The following SH3RF3 variants were observed in gnomAD, a reference collection of about 807,000 sequenced individuals.
SH3RF3 encodes the protein SH3 domain containing ring finger 3.
SH3RF3 carries 29 observed loss-of-function variants against 66.3 expected under a neutral mutation model. That is an observed-to-expected ratio of 0.44 (90% CI 0.33 to 0.60). The LOEUF is 0.60. Among genes scored for constraint, SH3RF3 ranks in the 20% least tolerant of loss-of-function variants. The pLI is 0.04. For missense variants in SH3RF3, 1,194 were observed against 1,190.9 expected (o/e 1.00, Z -0.04); for synonymous variants, 583 against 532.0 (o/e 1.10, Z -1.32).
At chr2:109,278,817 G>T (rs994834077) in intron 1 of SH3RF3, among the ~76,000 whole-genome samples, 1 of 152,178 alleles carries the variant, frequency 6.6e-6, no homozygotes. Flanking sequence ...GTATTGCATC[G>T]GCCAAGGCAA....
intron 1 of SH3RF3, among the ~76,000 whole-genome samples, chr2:109,251,056 C>CAGT (rs1230641239): frequency 6.6e-6 from 1 of 151,756 alleles, no homozygotes; most frequent in East Asian, 1.9e-4. Flanking sequence ...GGCTGGAGTG[C>CAGT]AGTGGCATGA....
At chr2:109,423,651 C>T (rs576171269) in intron 5 of SH3RF3, among the ~76,000 whole-genome samples, 8 of 152,290 alleles carry the variant, frequency 5.3e-5, no homozygotes, top group Admixed American at 2.0e-4. Context: ...GCGAAATCAC[C>T]GGGTACTGCC....
At chr2:109,318,272 C>T (rs1354566930) in intron 1 of SH3RF3, among the ~76,000 whole-genome samples, 4 of 152,016 alleles carry the variant, frequency 2.6e-5, no homozygotes, top group African/African-American at 9.7e-5. Context: ...CCCAGATGTT[C>T]GGGAGCATTT....
intron 8 of SH3RF3, 92 bp downstream of exon 8, chr2:109,449,581 G>A (rs530844263): frequency 6.8e-7 from 1 of 1,461,468 alleles, no homozygotes; most frequent in East Asian, 2.5e-5. Context: ...TTGTGCAATT[G>A]AAGCTAGAAT....
chr2:109,176,558 C>T lies in SH3RF3; in HGVS notation c.573+46445C>T, dbSNP rs1677920251. 5.9e-5 allele frequency among the ~76,000 whole-genome samples: 9 copies of T among 152,062 alleles called. 1 individual carries two copies. The South Asian group carries it at 1.9e-3, about 32-fold the overall frequency. The stretch of plus-strand genomic sequence containing the variant: ...ATCAGCCTTGGCAACATAATGAGAC[C>T]CTATCCCTACAAAAAATTAAAATAA... On this transcript the variant is annotated intron_variant, in intron 1 of 9. Coordinates refer to ENST00000309415, the MANE Select transcript of SH3RF3 (RefSeq NM_001099289.3).
At chr2:109,334,358 T>TA (rs372662372) in intron 1 of SH3RF3, among the ~76,000 whole-genome samples, 7,900 of 126,038 alleles carry the variant, frequency 0.063, 258 homozygotes, top group African/African-American at 0.098. Context: ...TTTTTTCCTT[T>TA]AAAAAAAAAA....
chr2:109,460,638 T>C (rs903404064), intron 8 of SH3RF3, among the ~76,000 whole-genome samples: 2 of 152,244 alleles, frequency 1.3e-5, no homozygotes, highest in African/African-American at 4.8e-5. Flanking sequence ...TTGGTGAGCA[T>C]TTAAATGGCA....
intron 1 of SH3RF3, among the ~76,000 whole-genome samples, chr2:109,288,556 G>A (rs887984965): frequency 2.0e-5 from 3 of 152,222 alleles, no homozygotes; most frequent in African/African-American, 7.2e-5. Flanking sequence ...TTGGTCTGGA[G>A]TCACCTCCAT....
At chr2:109,360,062 CCAA>C (rs1683024497) in intron 2 of SH3RF3, among the ~76,000 whole-genome samples, 1 of 102,576 alleles carries the variant, frequency 9.7e-6, no homozygotes. Context: ...TTTCCTTGCA[CCAA>C]AAAAAAAAAA....
At chr2:109,304,436 C>T (rs1681544982) in intron 1 of SH3RF3, among the ~76,000 whole-genome samples, 1 of 152,086 alleles carries the variant, frequency 6.6e-6, no homozygotes, top group Admixed American at 6.6e-5. Flanking sequence ...TTTTTTAAGG[C>T]TGAGTTGCCC....
At chr2:109,391,113 G>A (rs747979006) in intron 3 of SH3RF3, among the ~76,000 whole-genome samples, 4 of 152,170 alleles carry the variant, frequency 2.6e-5, no homozygotes, top group East Asian at 1.9e-4. Context: ...CATTCGCTCC[G>A]ACTCCCTCCT....
At chr2:109,199,262 C>T (rs1481038115) in intron 1 of SH3RF3, among the ~76,000 whole-genome samples, 2 of 57,384 alleles carry the variant, frequency 3.5e-5, no homozygotes, top group African/African-American at 6.9e-5. Context: ...GAGGTGCTTG[C>T]AGTGAGCCGA....
chr2:109,230,560 A>G (rs548694109), intron 1 of SH3RF3, among the ~76,000 whole-genome samples: 1 of 152,350 alleles, frequency 6.6e-6, no homozygotes, highest in South Asian at 2.1e-4. Context: ...AGCCTGGGCA[A>G]CAGAGAGAGA....
In SH3RF3 at chr2:109,347,800, G is replaced by A. The variant is rs757857252; in HGVS notation, c.700G>A (p.Gly234Ser). 4.3e-6 allele frequency: 7 copies of A among 1,613,858 alleles called. No individual in the cohort carries two copies. In the South Asian group the frequency reaches 4.4e-5, roughly 10 times the overall value. Residue 234 changes from glycine to serine, a missense_variant, in exon 2 of 10, where the codon GGC becomes AGC. Transcript: ENST00000309415. ...RRKVDEQWYHGELHGTQGFLP... is the reference protein window; with the variant it reads ...RRKVDEQWYHSELHGTQGFLP... ...CAAGGTGGATGAACAGTGGTACCAC[G>A]GCGAGCTGCACGGCACACAGGGCTT...
At chr2:109,184,550 T>A (rs1292087674) in intron 1 of SH3RF3, among the ~76,000 whole-genome samples, 3 of 152,178 alleles carry the variant, frequency 2.0e-5, no homozygotes. Context: ...AGCTGTTGCT[T>A]AGCTTTGAGC....
chr2:109,245,008 T>G (rs1679878703), intron 1 of SH3RF3, among the ~76,000 whole-genome samples: 1 of 152,258 alleles, frequency 6.6e-6, no homozygotes, highest in East Asian at 1.9e-4. Context: ...TTGCTGTCTT[T>G]GTTGTTGGAT....
At chr2:109,500,212 G>C (rs1318548916) in intron 9 of SH3RF3, among the ~76,000 whole-genome samples, 1 of 152,178 alleles carries the variant, frequency 6.6e-6, no homozygotes, top group Non-Finnish European at 1.5e-5. Flanking sequence ...GTTAGTGGTT[G>C]TTCAAGTTGT....
chr2:109,169,433 A>G (rs1677705470), intron 1 of SH3RF3, among the ~76,000 whole-genome samples: 1 of 152,132 alleles, frequency 6.6e-6, no homozygotes, highest in Admixed American at 6.5e-5. Context: ...AACACAGCTC[A>G]GCTCCCTGTG....
chr2:109,270,955 G>A (rs1228882755), intron 1 of SH3RF3, among the ~76,000 whole-genome samples: 1 of 152,206 alleles, frequency 6.6e-6, no homozygotes, highest in Admixed American at 6.5e-5. Flanking sequence ...AGTGGGTTCT[G>A]CTTCTGAATT....
Sources: allele counts gnomAD v4.1 joint callset (sites outside exome capture counted in the v4.1 genomes callset), GRCh38; gene constraint gnomAD v4.1.1; transcripts MANE v1.5; gene names NCBI Gene and HGNC (gene_info 2026-07-23, HGNC 2026-07-21).